Variants in TCF7L2 observed in about 807,000 individuals in gnomAD.
The protein encoded by TCF7L2 is transcription factor 7 like 2.
TCF7L2 carries 23 observed loss-of-function variants against 77.9 expected under a neutral mutation model. The ratio of observed to expected loss-of-function variants is 0.30; its 90% CI spans 0.21 to 0.42. The LOEUF is 0.42. TCF7L2 is among the 10% of genes least tolerant of loss of function. TCF7L2 has a pLI of 1.00. For synonymous variants in TCF7L2, 413 were observed against 340.2 expected, an observed-to-expected ratio of 1.21 and a Z score of -2.36; for missense variants, 654 against 793.1, an observed-to-expected ratio of 0.82 and a Z score of 2.11.
intron 5 of TCF7L2, among the ~76,000 whole-genome samples, chr10:113,066,695 G>T (rs868540635): frequency 6.6e-6 from 1 of 152,198 alleles, no homozygotes; most frequent in African/African-American, 2.4e-5. Flanking sequence ...GTCATTGGGC[G>T]TGGTTGTGCC....
Position 113,100,794 on chromosome 10 carries a change from G to A in TCF7L2, c.553-40390G>A, listed in dbSNP as rs146022180. 8.1e-4 allele frequency among the ~76,000 whole-genome samples: 124 copies of A among 152,270 alleles called. 1 individual carries two copies. The highest frequency in any genetic ancestry group is 1.5e-3 in the Non-Finnish European group (105 of 68,028). ...TTAGCAAAAAGAAATTCCATCCTTCGGCTGGGCGTGGTGGCTCACGCCTGT... is the reference window on the plus strand; with the variant it reads ...TTAGCAAAAAGAAATTCCATCCTTCAGCTGGGCGTGGTGGCTCACGCCTGT... On this transcript the variant is annotated intron_variant, in intron 5 of 13. Coordinates refer to ENST00000627217, the MANE Select transcript of TCF7L2 (RefSeq NM_001146274.2).
intron 8 of TCF7L2, 48 bp from the exon 9 acceptor site, chr10:113,150,950 A>G (rs374483121): frequency 1.9e-6 from 3 of 1,608,510 alleles, no homozygotes; most frequent in Non-Finnish European, 2.5e-6. Flanking sequence ...ATCCCTCCTC[A>G]TTCATTCATT....
At chr10:113,037,051 T>A (rs1326833271) in intron 4 of TCF7L2, among the ~76,000 whole-genome samples, 1 of 152,118 alleles carries the variant, frequency 6.6e-6, no homozygotes, top group Non-Finnish European at 1.5e-5. Flanking sequence ...AGGAAAAAAA[T>A]TTTCCTCTAG....
At chr10:113,085,666 G>A (rs2059764795) in intron 5 of TCF7L2, among the ~76,000 whole-genome samples, 2 of 152,206 alleles carry the variant, frequency 1.3e-5, no homozygotes, top group South Asian at 2.1e-4. Flanking sequence ...CCACGTGGCT[G>A]TGTTCAGATC....
chr10:113,126,107 G>A (rs909684590), intron 5 of TCF7L2: 16 of 145,006 alleles, frequency 1.1e-4, no homozygotes, highest in Non-Finnish European at 2.2e-4. Context: ...GTTTCGGTAG[G>A]TTTTGTTTTT....
At chr10:112,984,201 G>T (rs1208789158) in intron 4 of TCF7L2, among the ~76,000 whole-genome samples, 2 of 152,186 alleles carry the variant, frequency 1.3e-5, no homozygotes, top group African/African-American at 4.8e-5. Flanking sequence ...ACCTCCTTTT[G>T]ACTTGGGGAG....
intron 4 of TCF7L2, among the ~76,000 whole-genome samples, chr10:113,009,057 T>A (rs1250183414): frequency 1.3e-5 from 2 of 152,190 alleles, no homozygotes; most frequent in East Asian, 3.9e-4. Flanking sequence ...CATCTCAGAC[T>A]CCCAAGTAGC....
chr10:112,965,076 G>GCAA (rs1362862539), intron 4 of TCF7L2, among the ~76,000 whole-genome samples: 1 of 152,060 alleles, frequency 6.6e-6, no homozygotes, highest in Non-Finnish European at 1.5e-5. Context: ...AGGAGGCCGT[G>GCAA]CAACAGCCAG....
chr10:113,098,660 C>T (rs994049445), intron 5 of TCF7L2, among the ~76,000 whole-genome samples: 4 of 151,878 alleles, frequency 2.6e-5, no homozygotes, highest in South Asian at 2.1e-4. Context: ...GAGCTGAGAT[C>T]GCGCCACTGC....
intron 5 of TCF7L2, among the ~76,000 whole-genome samples, chr10:113,058,542 A>T (rs1486995229): frequency 6.6e-6 from 1 of 152,110 alleles, no homozygotes; most frequent in East Asian, 1.9e-4. Context: ...GGCAGCTCAT[A>T]GCCCCAGCCC....
intron 5 of TCF7L2, among the ~76,000 whole-genome samples, chr10:113,114,790 T>C (rs562872835): frequency 7.9e-5 from 12 of 152,234 alleles, no homozygotes; most frequent in Non-Finnish European, 1.5e-4. Context: ...AGTATGTGTT[T>C]TACTGTAGTC....
rs531154659 is a variant in TCF7L2 at position 112,989,718 on chromosome 10, T to C, written c.450+25094T>C. ...TAACCTTTTCTACCTTCTCGGACACTGTTTTAAAACACAGCAGCGTGATAG... is the reference window on the plus strand; with the variant it reads ...TAACCTTTTCTACCTTCTCGGACACCGTTTTAAAACACAGCAGCGTGATAG... On this transcript the variant is annotated intron_variant, in intron 4 of 13. Transcript: ENST00000627217. Among the ~76,000 whole-genome samples the C allele has an allele frequency of 1.4e-4, 21 of 152,286 alleles. No individual in the cohort carries two copies. In the South Asian group the frequency reaches 2.3e-3, roughly 17 times the overall value.
intron 4 of TCF7L2, among the ~76,000 whole-genome samples, chr10:112,998,051 G>A (rs2043816286): frequency 6.6e-6 from 1 of 151,444 alleles, no homozygotes. Flanking sequence ...AGAAGATGCA[G>A]AGAGTGAAGG....
intron 5 of TCF7L2, 40 bp downstream of exon 5, chr10:113,040,166 G>A (rs1279695524): frequency 1.9e-6 from 3 of 1,571,080 alleles, no homozygotes; most frequent in Non-Finnish European, 2.6e-6. Flanking sequence ...CTTTATTGAG[G>A]GGGTGAAAAA....
intron 5 of TCF7L2, among the ~76,000 whole-genome samples, chr10:113,051,032 C>T (rs2054333057): frequency 6.6e-6 from 1 of 151,876 alleles, no homozygotes; most frequent in Non-Finnish European, 1.5e-5. Flanking sequence ...TTTCCTATCT[C>T]CACCCTCACT....
chr10:113,154,871 A>AAC (rs1036282689), intron 11 of TCF7L2, among the ~76,000 whole-genome samples: 1 of 152,184 alleles, frequency 6.6e-6, no homozygotes, highest in Non-Finnish European at 1.5e-5. Context: ...CATGGGTGTG[A>AAC]ACACACACAC....
chr10:113,112,622 G>A (rs147128005), intron 5 of TCF7L2, among the ~76,000 whole-genome samples: 4 of 152,318 alleles, frequency 2.6e-5, no homozygotes, highest in Non-Finnish European at 4.4e-5. Flanking sequence ...CTGGATTTGG[G>A]TGCCTTTCCT....
chr10:113,125,023 G>T (rs2065354682), intron 5 of TCF7L2, among the ~76,000 whole-genome samples: 1 of 152,044 alleles, frequency 6.6e-6, no homozygotes, highest in South Asian at 2.1e-4. Context: ...TAAATGTAAT[G>T]GTTCATCCTG....
At chr10:113,055,038 T>G (rs115117929) in intron 5 of TCF7L2, among the ~76,000 whole-genome samples, 3,208 of 152,292 alleles carry the variant, frequency 0.021, 108 homozygotes, top group African/African-American at 0.073. Context: ...TTGCTTACAG[T>G]TTTTTAAGAT....
Sources: allele counts gnomAD v4.1 joint callset (sites outside exome capture counted in the v4.1 genomes callset), GRCh38; gene constraint gnomAD v4.1.1; transcripts MANE v1.5; gene names NCBI Gene and HGNC (gene_info 2026-07-23, HGNC 2026-07-21).